Variants in FMO1 observed in about 807,000 individuals in gnomAD.
FMO1 encodes the protein flavin-containing monooxygenase 1.
In FMO1, 36 loss-of-function variants were observed where a neutral mutation model predicts 45.4. The observed-to-expected ratio is 0.79, with a 90% CI of 0.61 to 1.05. The LOEUF (loss-of-function observed/expected upper bound fraction) is 1.05, where lower values mean the gene tolerates loss of function less well. FMO1 is among the 50% of genes least tolerant of loss of function. FMO1 has a pLI of 0.00. For synonymous variants in FMO1, 228 were observed against 227.2 expected, an observed-to-expected ratio of 1.00 and a Z score of -0.03; for missense variants, 615 against 640.3, an observed-to-expected ratio of 0.96 and a Z score of 0.43.
At chr1:171,253,796 G>A (rs1274371061) in intron 1 of FMO1, 2 of 152,232 alleles carry the variant, frequency 1.3e-5, no homozygotes, top group African/African-American at 2.4e-5. Context: ...AAGCCCCAGG[G>A]AGATTTACTG....
intron 2 of FMO1, among the ~76,000 whole-genome samples, chr1:171,262,444 C>A (rs1384110315): frequency 6.6e-6 from 1 of 152,124 alleles, no homozygotes; most frequent in African/African-American, 2.4e-5. Context: ...GCCCAGTAAC[C>A]CTCCCTAGAA....
chr1:171,264,777 T>C, intron 2 of FMO1, among the ~76,000 whole-genome samples: 1 of 151,960 alleles, frequency 6.6e-6, no homozygotes, highest in East Asian at 1.9e-4. Context: ...CCGGCGCCTG[T>C]AGTCCCAACT....
At chr1:171,278,667 AT>A (rs1289112743) in intron 4 of FMO1, 61 bp from the exon 5 acceptor site, 37 of 1,264,338 alleles carry the variant, frequency 2.9e-5, no homozygotes, top group Non-Finnish European at 3.8e-5. Flanking sequence ...ACTGAAGAAT[AT>A]TTATGTTTCA....
chr1:171,263,629 C>G (rs1660473891), intron 2 of FMO1, among the ~76,000 whole-genome samples: 1 of 152,174 alleles, frequency 6.6e-6, no homozygotes, highest in Admixed American at 6.5e-5. Flanking sequence ...TGGTTCAACC[C>G]TCCTCTCCTT....
chr1:171,249,583 T>G (rs1659789889), intron 1 of FMO1, among the ~76,000 whole-genome samples: 1 of 152,126 alleles, frequency 6.6e-6, no homozygotes, highest in South Asian at 2.1e-4. Flanking sequence ...TGAATCTCTC[T>G]CTGATTACTC....
intron 8 of FMO1, among the ~76,000 whole-genome samples, chr1:171,284,736 AAAAAAAAGAAAAAAG>A (rs1661546518): frequency 6.6e-6 from 1 of 151,246 alleles, no homozygotes; most frequent in Admixed American, 6.6e-5. Context: ...TGTAAAAAAA[AAAAAAAAGAAAAAAG>A]AAAAAAAGAA....
intron 2 of FMO1, among the ~76,000 whole-genome samples, chr1:171,267,322 C>A (rs1660656318): frequency 6.6e-6 from 1 of 152,210 alleles, no homozygotes; most frequent in African/African-American, 2.4e-5. Flanking sequence ...ATCCTTCATA[C>A]TCTGAACCAT....
chr1:171,261,523 A>C (rs1660377637), intron 2 of FMO1, among the ~76,000 whole-genome samples: 1 of 152,200 alleles, frequency 6.6e-6, no homozygotes, highest in Non-Finnish European at 1.5e-5. Context: ...AGATCCAATA[A>C]AACACATGTG....
chr1:171,277,134 C>T (rs577611415), intron 4 of FMO1, among the ~76,000 whole-genome samples: 1 of 152,270 alleles, frequency 6.6e-6, no homozygotes, highest in African/African-American at 2.4e-5. Context: ...CTCTAAAATT[C>T]TGTGATTTTA....
intron 3 of FMO1, among the ~76,000 whole-genome samples, chr1:171,273,025 ATGT>A (rs2101826666): frequency 6.6e-6 from 1 of 152,290 alleles, no homozygotes; most frequent in East Asian, 1.9e-4. Context: ...GAATTCTCAC[ATGT>A]TGTGAGAGGG....
chr1:171,251,005 T>C (rs1398942996), intron 1 of FMO1, among the ~76,000 whole-genome samples: 1 of 152,206 alleles, frequency 6.6e-6, no homozygotes, highest in Admixed American at 6.5e-5. Context: ...ACTTCAGTAA[T>C]AGATATGGTT....
intron 3 of FMO1, among the ~76,000 whole-genome samples, chr1:171,274,404 G>A (rs1661013281): frequency 6.6e-6 from 1 of 151,822 alleles, no homozygotes; most frequent in Admixed American, 6.5e-5. Flanking sequence ...GGGACTACAG[G>A]CATGGGCCAC....
chr1:171,264,582 G>A (rs989490823), intron 2 of FMO1, among the ~76,000 whole-genome samples: 1 of 151,898 alleles, frequency 6.6e-6, no homozygotes, highest in East Asian at 1.9e-4. Context: ...CGTCTGCATA[G>A]GAGCTTCTTA....
intron 6 of FMO1, among the ~76,000 whole-genome samples, chr1:171,281,387 A>C (rs1187168888): frequency 6.6e-6 from 1 of 152,154 alleles, no homozygotes; most frequent in Non-Finnish European, 1.5e-5. Context: ...ACTGTGTGGG[A>C]AAAACTGAAT....
At chr1:171,276,676 T>C (rs956876247) in intron 4 of FMO1, among the ~76,000 whole-genome samples, 5 of 152,116 alleles carry the variant, frequency 3.3e-5, no homozygotes, top group Admixed American at 2.0e-4. Flanking sequence ...GTAACCTGTA[T>C]TGGAGGAATG....
At chr1:171,282,357 A>C (rs368007118) in intron 7 of FMO1, 24 bp downstream of exon 7, 5 of 1,521,530 alleles carry the variant, frequency 3.3e-6, no homozygotes, top group Non-Finnish European at 4.5e-6. Flanking sequence ...ATAGCAGGGC[A>C]TGTGTTTTTG....
intron 2 of FMO1, among the ~76,000 whole-genome samples, chr1:171,260,912 C>CAAAAAAAAAAA (rs71561566): frequency 9.3e-5 from 5 of 53,686 alleles, no homozygotes; most frequent in Non-Finnish European, 1.3e-4. Flanking sequence ...GGCTCCATCT[C>CAAAAAAAAAAA]AAAAAAAAAA....
rs374363253 is a variant in FMO1, at chr1:171,275,290, C to A, written c.322-56C>A. On this transcript the variant is annotated intron_variant, in intron 3 of 8. Transcript: ENST00000617670. The stretch of plus-strand genomic sequence containing the variant: ...AAAATATCAATGGTACATCAACTGG[C>A]AAGTGCTTAATGGAACATTGACAAC... The A allele has an allele frequency of 3.2e-5, 44 of 1,394,714 alleles. No individual in the cohort carries two copies. The African/African-American group carries it at 5.7e-4, about 18-fold the overall frequency. The allele number at this position is 1,394,714 out of a possible 1,614,324, so 86.4% of individuals were successfully genotyped here.
At chr1:171,284,027 A>T (rs1661510723) in intron 8 of FMO1, among the ~76,000 whole-genome samples, 1 of 152,186 alleles carries the variant, frequency 6.6e-6, no homozygotes, top group Non-Finnish European at 1.5e-5. Flanking sequence ...TGGCCAGCAA[A>T]GTAAAGAGTC....
Sources: gnomAD v4.1 joint callset for allele counts (sites outside exome capture counted in the v4.1 genomes callset) on GRCh38, gnomAD v4.1.1 for gene constraint, MANE v1.5 for transcripts, NCBI Gene and HGNC (gene_info 2026-07-23, HGNC 2026-07-21) for gene names.